SLC4A4: variants seen among roughly 807,000 people sequenced by gnomAD.
SLC4A4 encodes electrogenic sodium bicarbonate cotransporter 1.
SLC4A4 carries 27 observed loss-of-function variants against 111.5 expected under a neutral mutation model. That is an observed-to-expected ratio of 0.24 (90% CI 0.18 to 0.33). SLC4A4 has a LOEUF of 0.33. Among genes scored for constraint, SLC4A4 ranks in the 10% least tolerant of loss-of-function variants. The probability of loss-of-function intolerance (pLI) is 1.00; values close to 1 mark genes in which losing one functional copy is unlikely to be tolerated. For synonymous variants in SLC4A4, 443 were observed against 463.4 expected (o/e 0.96, Z 0.57); for missense variants, 909 against 1,315.5 (o/e 0.69, Z 4.78).
intron 1 of SLC4A4, among the ~76,000 whole-genome samples, chr4:71,197,604 C>T (rs1472300308): frequency 1.3e-5 from 2 of 152,154 alleles, no homozygotes; most frequent in South Asian, 2.1e-4. Context: ...CCAATGAACA[C>T]CACTTTAAAG....
At chr4:71,437,162 CA>C in intron 7 of SLC4A4, 2 of 450,440 alleles carry the variant, frequency 4.4e-6, no homozygotes, top group South Asian at 3.6e-5. Context: ...GGGATGCCAG[CA>C]ATATTGACTC....
intron 13 of SLC4A4, among the ~76,000 whole-genome samples, chr4:71,467,642 G>A (rs1013299313): frequency 6.6e-6 from 1 of 152,016 alleles, no homozygotes; most frequent in African/African-American, 2.4e-5. Context: ...GTTTCTAATG[G>A]ACATTGCAAT....
At chr4:71,258,768 A>G (rs1444424092) in intron 3 of SLC4A4, among the ~76,000 whole-genome samples, 1 of 152,132 alleles carries the variant, frequency 6.6e-6, no homozygotes, top group African/African-American at 2.4e-5. Context: ...GCTTTTAATT[A>G]TCCCACTTTG....
Position 71,536,465 on chromosome 4 carries a change from C to CATATATATATATATATAT in SLC4A4, c.2442+2082_2442+2099dup, listed in dbSNP as rs869091643. Among the ~76,000 whole-genome samples the CATATATATATATATATAT allele has an allele frequency of 2.6e-3, 107 of 40,678 alleles. 5 individuals are homozygous for CATATATATATATATATAT. The highest frequency in any genetic ancestry group is 6.6e-3 in the African/African-American group (82 of 12,460). 26.7% of individuals were successfully genotyped at this position (40,678 alleles called of 152,430 possible). A position where few individuals can be genotyped will look rare whatever the true frequency, so the allele number is the denominator to read the frequency against. ...GCATATATACATATATACATATATA[C>CATATATATATATATATAT]ATATATATATATATATATATATGTA... On this transcript the variant is annotated intron_variant, in intron 18 of 25. Transcript: ENST00000264485.
intron 1 of SLC4A4, among the ~76,000 whole-genome samples, chr4:71,207,749 A>C (rs978026795): frequency 1.3e-5 from 2 of 152,192 alleles, no homozygotes. Context: ...GAAAAATATT[A>C]ATGCTTGAAT....
At position 71,315,269 on chromosome 4, in the gene SLC4A4, C is replaced by T. The variant is rs75853083; in HGVS notation, c.254-24101C>T. Among the ~76,000 whole-genome samples, 874 of 152,174 alleles carry T rather than the reference C, an allele frequency of 5.7e-3. 27 individuals are homozygous for T. In the East Asian group the frequency reaches 0.061, roughly 11 times the overall value. On this transcript the variant is annotated intron_variant, in intron 3 of 25. Coordinates refer to ENST00000264485, the MANE Select transcript of SLC4A4 (RefSeq NM_001098484.3). The stretch of plus-strand genomic sequence containing the variant: ...TGGATTTAGGCAGAGCTGACCTGTC[C>T]AGAGTTACTCTCCTAATAGTTTACA...
intron 1 of SLC4A4, among the ~76,000 whole-genome samples, chr4:71,231,375 T>C (rs565427961): frequency 2.6e-5 from 4 of 152,298 alleles, no homozygotes; most frequent in African/African-American, 9.6e-5. Flanking sequence ...TTTGCACAAA[T>C]GTTTCTCATG....
intron 16 of SLC4A4, among the ~76,000 whole-genome samples, chr4:71,512,973 C>T (rs1337299670): frequency 1.3e-5 from 2 of 151,968 alleles, no homozygotes; most frequent in Admixed American, 6.6e-5. Context: ...TTATCTACTC[C>T]GTTCTGTTGG....
chr4:71,463,789 T>C (rs755759663), intron 12 of SLC4A4, among the ~76,000 whole-genome samples: 13 of 152,138 alleles, frequency 8.5e-5, no homozygotes, highest in Non-Finnish European at 1.8e-4. Flanking sequence ...CATGTAGAGA[T>C]GGTGGATAGC....
intron 3 of SLC4A4, among the ~76,000 whole-genome samples, chr4:71,330,406 A>G (rs1446187792): frequency 6.6e-6 from 1 of 152,166 alleles, no homozygotes; most frequent in Non-Finnish European, 1.5e-5. Flanking sequence ...ATGGAACAGA[A>G]CAGAGCCCTC....
At chr4:71,389,639 C>G (rs1719081977) in intron 6 of SLC4A4, among the ~76,000 whole-genome samples, 1 of 152,192 alleles carries the variant, frequency 6.6e-6, no homozygotes, top group South Asian at 2.1e-4. Context: ...TACTCTAAGG[C>G]TGTCCAAGTC....
At chr4:71,332,187 T>C (rs1172436171) in intron 3 of SLC4A4, among the ~76,000 whole-genome samples, 1 of 152,156 alleles carries the variant, frequency 6.6e-6, no homozygotes, top group African/African-American at 2.4e-5. Context: ...TTGATCTTTA[T>C]TATTTTTCTT....
At chr4:71,232,931 C>T (rs1011493008) in intron 1 of SLC4A4, among the ~76,000 whole-genome samples, 5 of 152,212 alleles carry the variant, frequency 3.3e-5, no homozygotes, top group African/African-American at 1.2e-4. Context: ...TTAATGTGAG[C>T]TAAACCACTC....
In SLC4A4 at chr4:71,532,170, T is replaced by A; in HGVS notation, c.2275T>A (p.Phe759Ile). The change falls in exon 17 of 26, where the codon TTC (phenylalanine) becomes ATC (isoleucine). Residue 759 changes from phenylalanine (F) to isoleucine (I), a missense_variant. This residue lies in a region of SLC4A4 where 264 missense variants were observed against 356.8 expected (regional missense o/e 0.74). Coordinates refer to ENST00000264485, the MANE Select transcript of SLC4A4 (RefSeq NM_001098484.3). ...DTPKLIVPSE[F>I]KPTSPNRGWF... is the part of the protein sequence containing the mutation. ...CCCAAAACTAATTGTGCCAAGTGAG[T>A]TCAAGGTAGGTGAATGTCTATCTTT... The A allele has an allele frequency of 6.4e-7, 1 of 1,570,070 alleles. No homozygotes were observed. Among genetic ancestry groups the A allele is most frequent in the Non-Finnish European group, 8.8e-7 (1 of 1,140,100 alleles).
At chr4:71,200,778 C>A (rs1663212176) in intron 1 of SLC4A4, among the ~76,000 whole-genome samples, 2 of 149,740 alleles carry the variant, frequency 1.3e-5, no homozygotes. Context: ...GCAGGTTCTA[C>A]ACATGTGTCC....
At chr4:71,240,092 TAGTGATTGCTAATTAC>T (rs1720090501) in intron 2 of SLC4A4, among the ~76,000 whole-genome samples, 1 of 152,054 alleles carries the variant, frequency 6.6e-6, no homozygotes, top group Admixed American at 6.6e-5. Flanking sequence ...AGCAATTACG[TAGTGATTGCTAATTAC>T]GTAGTGAATG....
intron 14 of SLC4A4, among the ~76,000 whole-genome samples, chr4:71,481,222 T>A (rs1455261599): frequency 1.3e-5 from 2 of 151,740 alleles, no homozygotes; most frequent in Non-Finnish European, 2.9e-5. Context: ...GTTTTTCTAG[T>A]ACCCCCTTCT....
chr4:71,445,846 A>G (rs1243131144), intron 8 of SLC4A4, among the ~76,000 whole-genome samples: 4 of 152,374 alleles, frequency 2.6e-5, no homozygotes, highest in South Asian at 2.1e-4. Context: ...GAAGCACTTT[A>G]TAATACTATA....
chr4:71,568,111 T>C lies in SLC4A4; in HGVS notation c.*360T>C. The C allele has an allele frequency of 2.3e-6, 1 of 435,454 alleles. No homozygotes were observed. The highest frequency in any genetic ancestry group is 4.1e-6 in the Non-Finnish European group (1 of 245,680). 27.0% of individuals were successfully genotyped at this position (435,454 alleles called of 1,614,324 possible). The stretch of plus-strand genomic sequence containing the variant: ...AGGAATCCCCCTTTTGTTCTTAAAC[T>C]TTCAGATGTGTCCTTTGATAACCAA... On this transcript the variant is annotated 3_prime_UTR_variant, in exon 26 of 26. Transcript: ENST00000264485.
Sources: allele counts gnomAD v4.1 joint callset (sites outside exome capture counted in the v4.1 genomes callset), GRCh38; gene constraint gnomAD v4.1.1; regional missense constraint gnomAD v4.1.1; transcripts MANE v1.5; gene names NCBI Gene and HGNC (gene_info 2026-07-23, HGNC 2026-07-21).